The following SLC35F1 variants were observed in gnomAD, a reference collection of about 807,000 sequenced individuals.
The protein encoded by SLC35F1 is solute carrier family 35 member F1.
Under a neutral mutation model 48.7 loss-of-function variants are expected in SLC35F1, and 14 were observed. The observed-to-expected ratio is 0.29, with a 90% CI of 0.19 to 0.45. The LOEUF is 0.45. Among genes scored for constraint, SLC35F1 ranks in the 20% least tolerant of loss-of-function variants. The pLI, the probability that SLC35F1 is intolerant of heterozygous loss-of-function variation, is 1.00. For missense variants in SLC35F1, 404 were observed against 500.0 expected (o/e 0.81, Z 1.83); for synonymous variants, 190 against 202.2 (o/e 0.94, Z 0.51).
intron 1 of SLC35F1, among the ~76,000 whole-genome samples, chr6:118,049,786 C>G (rs1427104784): frequency 1.3e-5 from 2 of 151,858 alleles, no homozygotes; most frequent in African/African-American, 2.4e-5. Context: ...ACTAATTCAA[C>G]CATTGTGGAA....
At chr6:118,273,486 T>TA (rs1562347168) in intron 4 of SLC35F1, among the ~76,000 whole-genome samples, 1 of 152,216 alleles carries the variant, frequency 6.6e-6, no homozygotes, top group Non-Finnish European at 1.5e-5. Flanking sequence ...CACAAGATTC[T>TA]AAAATGTCTT....
intron 7 of SLC35F1, among the ~76,000 whole-genome samples, chr6:118,313,321 C>T (rs1200145781): frequency 2.6e-5 from 4 of 152,106 alleles, no homozygotes; most frequent in Admixed American, 6.5e-5. Context: ...TAAATTCTTG[C>T]GACTTGTGTA....
chr6:118,093,916 T>C (rs1261795452), intron 1 of SLC35F1, among the ~76,000 whole-genome samples: 1 of 152,150 alleles, frequency 6.6e-6, no homozygotes, highest in Non-Finnish European at 1.5e-5. Flanking sequence ...TAATTGGCCA[T>C]TATATTTGAC....
chr6:118,237,674 GC>G (rs1206917380), intron 3 of SLC35F1, among the ~76,000 whole-genome samples: 1 of 152,168 alleles, frequency 6.6e-6, no homozygotes, highest in African/African-American at 2.4e-5. Flanking sequence ...ACAGGCATGA[GC>G]CACACGCCCA....
intron 2 of SLC35F1, among the ~76,000 whole-genome samples, chr6:118,231,835 G>A (rs1775296585): frequency 6.6e-6 from 1 of 152,202 alleles, no homozygotes. Context: ...TGTTCACTGT[G>A]TAAATTAACT....
chr6:118,111,708 T>A lies in SLC35F1; in HGVS notation c.174-42737T>A, dbSNP rs571082910. 5.3e-5 allele frequency among the ~76,000 whole-genome samples: 8 copies of A among 152,268 alleles called. No homozygotes were observed. The South Asian group carries it at 1.7e-3, about 32-fold the overall frequency. On this transcript the variant is annotated intron_variant, in intron 1 of 7. Coordinates refer to ENST00000360388, the MANE Select transcript of SLC35F1 (RefSeq NM_001029858.4). ...ATAAAATTTTGTTATTCTTAATTGA[T>A]CTAACAGATAACAATGTATTTAAAA...
rs187249409 is a variant in SLC35F1 at position 118,195,671 on chromosome 6, A to G, written c.350-39838A>G. ...TGTAAGAGGCCTCTAACTGGATCCA[A>G]GACAGTTAATTACTGGATCAAATCT... is the stretch of plus-strand genomic sequence containing the variant. On this transcript the variant is annotated intron_variant, in intron 2 of 7. Transcript: ENST00000360388. 2.0e-5 allele frequency among the ~76,000 whole-genome samples: 3 copies of G among 152,320 alleles called. No individual in the cohort carries two copies. In the East Asian group the frequency reaches 5.8e-4, roughly 29 times the overall value.
chr6:117,922,294 T>A (rs1205262001), intron 1 of SLC35F1, among the ~76,000 whole-genome samples: 1 of 152,198 alleles, frequency 6.6e-6, no homozygotes, highest in East Asian at 1.9e-4. Context: ...AACATTTTCT[T>A]ATTCTCATTC....
intron 1 of SLC35F1, among the ~76,000 whole-genome samples, chr6:118,049,879 G>T (rs1372765390): frequency 3.3e-5 from 5 of 151,982 alleles, no homozygotes; most frequent in Admixed American, 3.3e-4. Context: ...ATACCCAAAG[G>T]ATTATAAATC....
chr6:118,257,951 A>G (rs1251826180), intron 3 of SLC35F1, among the ~76,000 whole-genome samples: 1 of 152,214 alleles, frequency 6.6e-6, no homozygotes, highest in Non-Finnish European at 1.5e-5. Flanking sequence ...GTTGCAGAGC[A>G]TATAAGTCAG....
At chr6:117,923,998 CACAT>C (rs1159706310) in intron 1 of SLC35F1, among the ~76,000 whole-genome samples, 1 of 150,754 alleles carries the variant, frequency 6.6e-6, no homozygotes, top group African/African-American at 2.4e-5. Context: ...TACATATATA[CACAT>C]ACATGTGTGT....
chr6:118,260,675 T>C (rs1775701473), intron 3 of SLC35F1, among the ~76,000 whole-genome samples: 1 of 152,202 alleles, frequency 6.6e-6, no homozygotes, highest in South Asian at 2.1e-4. Context: ...CATCTATATA[T>C]GCCTTCACTG....
intron 1 of SLC35F1, among the ~76,000 whole-genome samples, chr6:117,950,374 G>A (rs1776348443): frequency 6.6e-6 from 1 of 152,118 alleles, no homozygotes; most frequent in African/African-American, 2.4e-5. Context: ...ACCATGACTG[G>A]CTGGACTCCA....
chr6:118,035,489 C>A (rs1378923834), intron 1 of SLC35F1, among the ~76,000 whole-genome samples: 1 of 150,870 alleles, frequency 6.6e-6, no homozygotes, highest in African/African-American at 2.4e-5. Flanking sequence ...TGGCACATGC[C>A]CGTAATCCCA....
At chr6:118,078,074 T>G (rs990527797) in intron 1 of SLC35F1, among the ~76,000 whole-genome samples, 1 of 152,176 alleles carries the variant, frequency 6.6e-6, no homozygotes, top group East Asian at 1.9e-4. Flanking sequence ...TTTTAATGGC[T>G]TCTCATTTCA....
chr6:118,013,295 T>C (rs896882214), intron 1 of SLC35F1, among the ~76,000 whole-genome samples: 4 of 152,146 alleles, frequency 2.6e-5, no homozygotes, highest in African/African-American at 9.7e-5. Flanking sequence ...ATGACATTCT[T>C]GGTTGGGGAG....
rs1253774718 is a variant in SLC35F1, at chr6:118,050,698, G to A, written c.174-103747G>A. Reference sequence around the variant, plus strand: ...GAATCCTAGGTGAGAAGGGGAATGGGGACTAGCAGAAGCTGAAGAGGAAGG... The same window carrying A: ...GAATCCTAGGTGAGAAGGGGAATGGAGACTAGCAGAAGCTGAAGAGGAAGG... On this transcript the variant is annotated intron_variant, in intron 1 of 7. Transcript: ENST00000360388. 1.3e-5 allele frequency among the ~76,000 whole-genome samples: 2 copies of A among 152,256 alleles called. 1 individual carries two copies. The highest frequency in any genetic ancestry group is 4.8e-5 in the African/African-American group (2 of 41,562).
At chr6:117,950,200 G>A (rs151182880) in intron 1 of SLC35F1, among the ~76,000 whole-genome samples, 28 of 152,260 alleles carry the variant, frequency 1.8e-4, no homozygotes, top group Middle Eastern at 3.4e-3. Context: ...TCCTAGCAAC[G>A]AGTTTGACTC....
chr6:118,173,425 T>G (rs951662798), intron 2 of SLC35F1, among the ~76,000 whole-genome samples: 1 of 150,136 alleles, frequency 6.7e-6, no homozygotes, highest in Non-Finnish European at 1.5e-5. Context: ...AGCCAAAACT[T>G]TAGGTTTTAA....
Sources: gnomAD v4.1 joint callset for allele counts (sites outside exome capture counted in the v4.1 genomes callset) on GRCh38, gnomAD v4.1.1 for gene constraint, MANE v1.5 for transcripts, NCBI Gene and HGNC (gene_info 2026-07-23, HGNC 2026-07-21) for gene names.